Variants in GRIN2C observed in about 807,000 individuals in gnomAD.
GRIN2C encodes the protein glutamate ionotropic receptor NMDA type subunit 2C.
GRIN2C carries 64 observed loss-of-function variants against 77.7 expected under a neutral mutation model. The observed-to-expected ratio is 0.82, with a 90% CI of 0.67 to 1.01. GRIN2C has a LOEUF of 1.01. Ranked by LOEUF, GRIN2C falls within the 50% of genes least tolerant of loss-of-function variation. GRIN2C has a pLI of 0.00. For missense variants in GRIN2C, 1,549 were observed against 1,486.0 expected (o/e 1.04, Z -0.70); for synonymous variants, 792 against 643.4 (o/e 1.23, Z -3.49).
Position 74,852,244 on chromosome 17 carries a change from T to A in GRIN2C, c.767A>T (p.Asn256Ile), listed in dbSNP as rs955964740. 1 of 1,403,168 alleles carries A rather than the reference T, an allele frequency of 7.1e-7. No individual in the cohort carries two copies. Among genetic ancestry groups the A allele is most frequent in the East Asian group, 3.0e-5 (1 of 33,882 alleles). 86.9% of individuals were successfully genotyped at this position (1,403,168 alleles called of 1,614,324 possible). A position where few individuals can be genotyped will look rare whatever the true frequency, so the allele number is the denominator to read the frequency against. ...CGCATCGGTGCTGCCCAGCGCCAGG[T>A]TGGGCACCAGCCACACGTGGCCGGG... ...VGPGHVWLVP[N>I]LALGSTDAPP... The change falls in exon 3 of 13, where the codon AAC (asparagine) becomes ATC (isoleucine). Residue 256 changes from asparagine to isoleucine, a missense_variant. Transcript: ENST00000293190.
Position 74,855,052 on chromosome 17 carries a change from A to T in GRIN2C, c.41T>A (p.Leu14His). The change falls in exon 2 of 13, where the codon CTC (leucine) becomes CAC (histidine). Residue 14 changes from leucine to histidine, a missense_variant. Physicochemically the swap from Leu to His is moderately conservative, Grantham distance 99 (BLOSUM62 -3). This residue lies in a region of GRIN2C where 382 missense variants were observed against 360.0 expected (regional missense o/e 1.06). Coordinates refer to ENST00000293190, the MANE Select transcript of GRIN2C (RefSeq NM_000835.6). ...ACCCAGCCCTGCCCAGGCACCGAAG[A>T]GCGAGGTGAGCAACAGGGCCGGCCC... Reference protein sequence around the residue: ...ALGPALLLTSLFGAWAGLGPG... With the variant: ...ALGPALLLTSHFGAWAGLGPG... 1 of 1,597,538 alleles carries T rather than the reference A, an allele frequency of 6.3e-7. No individual in the cohort carries two copies. The highest frequency in any genetic ancestry group is 8.5e-7 in the Non-Finnish European group (1 of 1,178,034).
Position 74,842,486 on chromosome 17 carries a change from G to C in GRIN2C, c.3651C>G (p.Phe1217Leu), listed in dbSNP as rs764683108. The change falls in exon 13 of 13, where the codon TTC (phenylalanine) becomes TTG (leucine). Residue 1217 changes from phenylalanine to leucine, a missense_variant. Phe to Leu is a conservative substitution (Grantham distance 22, BLOSUM62 0). Around this residue, in one of 3 missense-constraint regions of GRIN2C, gnomAD observed 450 missense variants for 267.9 expected, o/e 1.68. Transcript: ENST00000293190. ...ISRVARGTQG[F>L]PGPCTWRRIS... Reference sequence around the variant, plus strand: ...TCCGTCTCCAGGTGCAGGGTCCCGGGAAGCCTTGCGTCCCACGGGCTACCC... The same window carrying C: ...TCCGTCTCCAGGTGCAGGGTCCCGGCAAGCCTTGCGTCCCACGGGCTACCC... The C allele has an allele frequency of 1.3e-6, 1 of 778,664 alleles. No individual in the cohort carries two copies. Among genetic ancestry groups the C allele is most frequent in the South Asian group, 1.3e-5 (1 of 74,390 alleles). 48.2% of individuals were successfully genotyped at this position (778,664 alleles called of 1,614,324 possible).
In GRIN2C at chr17:74,844,493, A is replaced by G. The variant is rs775241120; in HGVS notation, c.2366T>C (p.Leu789Pro). Residue 789 changes from leucine to proline, a missense_variant, in exon 12 of 13, where the codon CTG (leucine) becomes CCG (proline). Physicochemically the swap from Leu to Pro is moderately conservative, Grantham distance 98. Coordinates refer to ENST00000293190, the MANE Select transcript of GRIN2C (RefSeq NM_000835.6). ...QFLGDGETQKLETVWLSGICQ... is the reference protein window; with the variant it reads ...QFLGDGETQKPETVWLSGICQ... ...GATCCCTGAGAGCCACACTGTCTCC[A>G]GTTTCTGTGTCTCTCCTGGAGTTGG... 1.5e-5 allele frequency: 24 copies of G among 1,613,966 alleles called. No individual in the cohort carries two copies. The highest frequency in any genetic ancestry group is 2.0e-5 in the Non-Finnish European group (24 of 1,179,954).
chr17:74,848,296 G>A (rs1194794266), intron 7 of GRIN2C, among the ~76,000 whole-genome samples: 1 of 152,102 alleles, frequency 6.6e-6, no homozygotes, highest in African/African-American at 2.4e-5. Flanking sequence ...GTTCTGCCTG[G>A]AATCAGAGCC....
chr17:74,852,028 C>G lies in GRIN2C; in HGVS notation c.983G>C (p.Arg328Pro), dbSNP rs1270822914. The part of the protein sequence containing the change: ...RVHPGPVSPA[R>P]EAFYRHLLNV... ...AGGTGCCCACCTGTAGAAGGCCTCC[C>G]GGGCAGGGCTGACGGGCCCAGGGTG... Residue 328 changes from arginine (R) to proline (P), a missense_variant, in exon 3 of 13, where the codon CGG becomes CCG. Around this residue, in one of 3 missense-constraint regions of GRIN2C, gnomAD observed 717 missense variants for 858.1 expected, o/e 0.84. Coordinates refer to ENST00000293190, the MANE Select transcript of GRIN2C (RefSeq NM_000835.6). 4 of 1,461,842 alleles carry G rather than the reference C, an allele frequency of 2.7e-6. No individual in the cohort carries two copies. Among genetic ancestry groups the G allele is most frequent in the Non-Finnish European group, 3.6e-6 (4 of 1,105,340 alleles). The allele number at this position is 1,461,842 out of a possible 1,614,324, so 90.6% of individuals were successfully genotyped here.
chr17:74,845,438 A>T (rs958185507), intron 11 of GRIN2C, among the ~76,000 whole-genome samples: 3 of 151,142 alleles, frequency 2.0e-5, no homozygotes, highest in Admixed American at 1.3e-4. Context: ...CTAATTTTTT[A>T]AAAACTTTAT....
chr17:74,845,519 C>T (rs930089798), intron 11 of GRIN2C, among the ~76,000 whole-genome samples: 2 of 152,156 alleles, frequency 1.3e-5, no homozygotes, highest in African/African-American at 4.8e-5. Flanking sequence ...ATCCTCCCAC[C>T]TCAGCCTCCC....
rs555133951 is a variant in GRIN2C, at chr17:74,849,086, A to G, written c.1645+694T>C. ...GAGAGGGAGGGAGGGAGGGAAATCA[A>G]TCCTGCCATGAGCACTTGCTATGCT... On this transcript the variant is annotated intron_variant, in intron 7 of 12. Transcript: ENST00000293190. The surrounding 1 kb of genome is among the most constrained non-coding windows in gnomAD (Gnocchi z 4.6). 5.3e-5 allele frequency among the ~76,000 whole-genome samples: 8 copies of G among 151,792 alleles called. No individual in the cohort carries two copies. Among genetic ancestry groups the G allele is most frequent in the South Asian group, 4.2e-4 (2 of 4,802 alleles).
At chr17:74,852,692 A>T (rs1177815582) in intron 2 of GRIN2C, 81 bp from the exon 3 acceptor site, 1 of 602,256 alleles carries the variant, frequency 1.7e-6, no homozygotes, top group Non-Finnish European at 2.5e-6. Context: ...CCCCTCCATC[A>T]GCTCCCAGGC....
chr17:74,844,804 GCATTCATT>G (rs1300128830), intron 11 of GRIN2C, among the ~76,000 whole-genome samples: 1 of 152,136 alleles, frequency 6.6e-6, no homozygotes, highest in African/African-American at 2.4e-5. Flanking sequence ...GTAAATGTTA[GCATTCATT>G]CATTCACTCC....
Position 74,846,066 on chromosome 17 carries a change from C to T in GRIN2C, c.2350G>A (p.Gly784Arg), listed in dbSNP as rs866984765. The T allele has an allele frequency of 3.7e-6, 6 of 1,613,554 alleles. No homozygotes were observed. Among genetic ancestry groups the T allele is most frequent in the East Asian group, 2.2e-5 (1 of 44,882 alleles). The change falls in exon 11 of 13, where the codon GGA becomes AGA. Residue 784 changes from glycine to arginine, a missense_variant and splice_region_variant. By Grantham distance (125) the Gly-to-Arg change is moderately radical. This residue lies in a region of GRIN2C where 717 missense variants were observed against 858.1 expected (regional missense o/e 0.84). Coordinates refer to ENST00000293190, the MANE Select transcript of GRIN2C (RefSeq NM_000835.6). This position sits in a 1 kb window ranked among gnomAD's most constrained non-coding sequence, Gnocchi z 4.4. The stretch of plus-strand genomic sequence containing the variant: ...GCATCCCAGCAATGGCAGTACCCAC[C>T]GTCCCCCAGGAACTGCAAGAGCGCC... ...DLALLQFLGD[G>R]ETQKLETVWL... is the part of the protein sequence containing the mutation.
At position 74,843,278 on chromosome 17, in the gene GRIN2C, T is replaced by C; in HGVS notation, c.2859A>G (p.Pro953=). 1.2e-6 allele frequency: 1 copy of C among 808,758 alleles called. No individual in the cohort carries two copies. The highest frequency in any genetic ancestry group is 1.7e-6 in the Non-Finnish European group (1 of 605,716). The allele number at this position is 808,758 out of a possible 1,614,324, so 50.1% of individuals were successfully genotyped here. A position where few individuals can be genotyped will look rare whatever the true frequency, so the allele number is the denominator to read the frequency against. The change falls in exon 13 of 13, where the codon CCA becomes CCG. Residue 953 remains proline (P), a synonymous_variant. Transcript: ENST00000293190. ...GTCCCCAGCCCGTGGGGCTCGGCTC[T>C]GGGGGCGGGTCGGGGGTGGGCAGGC... ...SPCLPTPDPP[P]EPSPTGWGPP... is the part of the protein sequence containing the mutation.
At position 74,850,371 on chromosome 17, in the gene GRIN2C, G is replaced by A. The variant is rs1484534852; in HGVS notation, c.1326C>T (p.Ser442=). 3 of 1,610,218 alleles carry A rather than the reference G, an allele frequency of 1.9e-6. No homozygotes were observed. The highest frequency in any genetic ancestry group is 1.7e-6 in the Non-Finnish European group (2 of 1,179,794). The change falls in exon 6 of 13, where the codon AGC becomes AGT. Residue 442 remains serine, a splice_region_variant and synonymous_variant. Transcript: ENST00000293190. This position sits in a 1 kb window ranked among gnomAD's most constrained non-coding sequence, Gnocchi z 5.3. ...PCRRQSNHTF[S]SGDVAPYTKL... is the part of the protein sequence containing the mutation. ...TGGTGTAGGGGGCCACGTCCCCGCT[G>A]CTGCAGCCATGCCGCCATGAGACCA...
At position 74,859,090 on chromosome 17, in the gene GRIN2C, G is replaced by A. The variant is rs2037891277; in HGVS notation, c.-16+654C>T. On this transcript the variant is annotated intron_variant, in intron 1 of 12. Transcript: ENST00000293190. This position sits in a 1 kb window ranked among gnomAD's most constrained non-coding sequence, Gnocchi z 5.9. ...CCATTCTGCCCTGCGGCAGGTGTGT[G>A]TGCACTCATTAACACCCTGCCCCAC... Among the ~76,000 whole-genome samples, 1 of 152,148 alleles carries A rather than the reference G, an allele frequency of 6.6e-6. No homozygotes were observed. The highest frequency in any genetic ancestry group is 2.4e-5 in the African/African-American group (1 of 41,430).
Position 74,846,986 on chromosome 17 carries a change from AC to A in GRIN2C, c.2002-67del. 6 of 1,534,192 alleles carry A rather than the reference AC, an allele frequency of 3.9e-6. No homozygotes were observed. The highest frequency in any genetic ancestry group is 5.3e-6 in the Non-Finnish European group (6 of 1,131,564). ...AGCCTTCCAGGCACCAAAGCCCCAA[AC>A]CCACCCCAGAGCCCAGCCCCAGTGT... is the stretch of plus-strand genomic sequence containing the variant. On this transcript the variant is annotated intron_variant, in intron 9 of 12. Transcript: ENST00000293190. The surrounding 1 kb of genome is among the most constrained non-coding windows in gnomAD (Gnocchi z 4.4).
chr17:74,846,881 C>T lies in GRIN2C; in HGVS notation c.2041G>A (p.Gly681Ser), dbSNP rs1302321128. The T allele has an allele frequency of 2.5e-6, 4 of 1,613,890 alleles. No homozygotes were observed. Among genetic ancestry groups the T allele is most frequent in the South Asian group, 1.1e-5 (1 of 91,076 alleles). ...PQDQYPPFRF[G>S]TVPNGSTERN... Reference sequence around the variant, plus strand: ...TCCGTGCTGCCGTTGGGCACCGTGCCGAAGCGGAAAGGTGGGTACTGATCT... The same window carrying T: ...TCCGTGCTGCCGTTGGGCACCGTGCTGAAGCGGAAAGGTGGGTACTGATCT... The change falls in exon 10 of 13, where the codon GGC becomes AGC. Residue 681 changes from glycine (G) to serine (S), a missense_variant. By Grantham distance (56) the Gly-to-Ser change is moderately conservative (BLOSUM62 0). Coordinates refer to ENST00000293190, the MANE Select transcript of GRIN2C (RefSeq NM_000835.6). The surrounding 1 kb of genome is among the most constrained non-coding windows in gnomAD (Gnocchi z 4.4).
At chr17:74,861,027 G>A (rs957577256), upstream of GRIN2C, among the ~76,000 whole-genome samples, 3 of 152,010 alleles carry the variant, frequency 2.0e-5, no homozygotes, top group Non-Finnish European at 2.9e-5. Context: ...CCCGCTCTCC[G>A]CCCCGGCGGC....
chr17:74,852,683 C>A (rs1212277714), intron 2 of GRIN2C, 72 bp from the exon 3 acceptor site: 1 of 698,488 alleles, frequency 1.4e-6, no homozygotes, highest in Non-Finnish European at 2.1e-6. Flanking sequence ...CGACCTCGGC[C>A]CCTCCATCAG....
Position 74,844,450 on chromosome 17 carries a change from G to A in GRIN2C, c.2409C>T (p.Asn803=), listed in dbSNP as rs576642341. 1.6e-5 allele frequency: 26 copies of A among 1,614,186 alleles called. No individual in the cohort carries two copies. The highest frequency in any genetic ancestry group is 6.6e-5 in the South Asian group (6 of 91,084). Residue 803 remains asparagine (N), a synonymous_variant, in exon 12 of 13, where the codon AAC becomes AAT. Coordinates refer to ENST00000293190, the MANE Select transcript of GRIN2C (RefSeq NM_000835.6). ...WLSGICQNEK[N]EVMSSKLDID... Reference sequence around the variant, plus strand: ...TGTCCAGCTTGCTGCTCATCACCTCGTTCTTCTCATTCTGGCAGATCCCTG... The same window carrying A: ...TGTCCAGCTTGCTGCTCATCACCTCATTCTTCTCATTCTGGCAGATCCCTG...
Sources: allele counts gnomAD v4.1 joint callset (sites outside exome capture counted in the v4.1 genomes callset), GRCh38; gene constraint gnomAD v4.1.1; regional missense constraint gnomAD v4.1.1; non-coding constraint Gnocchi (gnomAD v3.1); transcripts MANE v1.5; gene names NCBI Gene and HGNC (gene_info 2026-07-23, HGNC 2026-07-21).